Variants in TBCK observed in about 807,000 individuals in gnomAD.
TBCK encodes the protein TBC domain-containing protein kinase-like protein.
Under a neutral mutation model 113.4 loss-of-function variants are expected in TBCK, and 99 were observed. The observed-to-expected ratio is 0.87, with a 90% confidence interval of 0.74 to 1.03. The LOEUF (loss-of-function observed/expected upper bound fraction) is 1.03, where lower values mean the gene tolerates loss of function less well. Ranked by LOEUF, TBCK falls within the 50% of genes least tolerant of loss-of-function variation. The probability of loss-of-function intolerance (pLI) is 0.00; values close to 1 mark genes in which losing one functional copy is unlikely to be tolerated. For missense variants in TBCK, 1,045 were observed against 1,061.3 expected, an observed-to-expected ratio of 0.98 and a Z score of 0.21; for synonymous variants, 369 against 370.8, an observed-to-expected ratio of 1.00 and a Z score of 0.05.
At chr4:106,221,756 T>C (rs143593469) in intron 19 of TBCK, among the ~76,000 whole-genome samples, 2 of 152,106 alleles carry the variant, frequency 1.3e-5, no homozygotes, top group African/African-American at 4.8e-5. Flanking sequence ...AAAATATTGT[T>C]AAAGCTCTGT....
chr4:106,052,619 T>A (rs1372812947), intron 25 of TBCK, among the ~76,000 whole-genome samples: 1 of 151,766 alleles, frequency 6.6e-6, no homozygotes, highest in Non-Finnish European at 1.5e-5. Flanking sequence ...TTATAGTTTG[T>A]GTTACATAAG....
At chr4:106,184,148 C>A (rs1366646923) in intron 22 of TBCK, among the ~76,000 whole-genome samples, 2 of 152,018 alleles carry the variant, frequency 1.3e-5, no homozygotes, top group Non-Finnish European at 2.9e-5. Context: ...CACTAAAAAT[C>A]TCTAACAGTG....
intron 3 of TBCK, among the ~76,000 whole-genome samples, chr4:106,271,681 G>A (rs1224804949): frequency 1.3e-5 from 2 of 151,648 alleles, no homozygotes; most frequent in Non-Finnish European, 2.9e-5. Context: ...GAACCCAGGA[G>A]GCAGAGGTTG....
chr4:106,290,511 T>C (rs1481674837), intron 3 of TBCK, among the ~76,000 whole-genome samples: 1 of 152,176 alleles, frequency 6.6e-6, no homozygotes, highest in Non-Finnish European at 1.5e-5. Flanking sequence ...AATCAAAGAT[T>C]AGTGACATTA....
intron 3 of TBCK, among the ~76,000 whole-genome samples, chr4:106,281,565 T>C (rs540865630): frequency 6.6e-6 from 1 of 152,270 alleles, no homozygotes; most frequent in African/African-American, 2.4e-5. Flanking sequence ...GGGCCTGTCA[T>C]ACATGGCTTT....
intron 16 of TBCK, 121 bp from the exon 17 acceptor site, chr4:106,233,185 ACTT>A: frequency 1.8e-5 from 18 of 976,704 alleles, no homozygotes; most frequent in Middle Eastern, 5.5e-4. Flanking sequence ...AAACAGACCA[ACTT>A]CTTAAGTGCC....
chr4:106,212,826 G>C lies in TBCK; in HGVS notation c.1784C>G (p.Thr595Ser). The C allele has an allele frequency of 6.2e-7, 1 of 1,607,894 alleles. No individual in the cohort carries two copies. Among genetic ancestry groups the C allele is most frequent in the Non-Finnish European group, 8.5e-7 (1 of 1,175,552 alleles). Residue 595 changes from threonine to serine, a missense_variant, in exon 20 of 26, where the codon ACT (threonine) becomes AGT (serine). By Grantham distance (58) the Thr-to-Ser change is moderately conservative. Transcript: ENST00000394708. ...DNSHVIQEYL[T>S]VFSQMIAFHD... is the part of the protein sequence containing the mutation. ...AAATGCAATCATCTGAGAGAAGACA[G>C]TCAGATACTCTGAAATTACAAAGTT...
chr4:106,255,675 CCTT>C (rs34255320), intron 5 of TBCK, among the ~76,000 whole-genome samples: 20,551 of 152,124 alleles, frequency 0.14, 1,630 homozygotes, highest in South Asian at 0.24. Context: ...GCTCCTCTCT[CCTT>C]CTGTCTTCTT....
intron 23 of TBCK, among the ~76,000 whole-genome samples, chr4:106,120,565 T>G (rs1365274216): frequency 2.6e-5 from 4 of 152,166 alleles, no homozygotes; most frequent in Admixed American, 2.0e-4. Flanking sequence ...TAAATGTCCC[T>G]GTCTGACAGC....
intron 3 of TBCK, among the ~76,000 whole-genome samples, chr4:106,267,776 A>AT (rs1180717513): frequency 2.6e-5 from 4 of 151,732 alleles, no homozygotes; most frequent in East Asian, 3.9e-4. Context: ...TCCCAAGTAT[A>AT]TTTTTTTATC....
intron 25 of TBCK, among the ~76,000 whole-genome samples, chr4:106,074,251 C>T (rs1016337139): frequency 2.0e-5 from 3 of 152,116 alleles, no homozygotes; most frequent in South Asian, 4.1e-4. Context: ...TGGAACAGAC[C>T]TCCAACATAG....
intron 25 of TBCK, among the ~76,000 whole-genome samples, chr4:106,074,994 A>AC (rs1431940888): frequency 1.4e-4 from 22 of 152,320 alleles, no homozygotes; most frequent in African/African-American, 4.8e-4. Context: ...GAGACATGGA[A>AC]GTTAGCTTCC....
rs2150100693 is a variant in TBCK, at chr4:106,262,107, C to T, written c.372G>A (p.Leu124=). 1 of 1,525,338 alleles carries T rather than the reference C, an allele frequency of 6.6e-7. No individual in the cohort carries two copies. Among genetic ancestry groups the T allele is most frequent in the East Asian group, 2.5e-5 (1 of 40,410 alleles). 94.5% of individuals were successfully genotyped at this position (1,525,338 alleles called of 1,614,324 possible). The change falls in exon 4 of 26, where the codon TTG becomes TTA. Residue 124 remains leucine (L), a synonymous_variant. Coordinates refer to ENST00000394708, the MANE Select transcript of TBCK (RefSeq NM_001163435.3). The part of the protein sequence containing the change: ...HRALSPHNIL[L]DRKGHIKLAK... ...ATGATTTAACAATTACCTTTCGGTC[C>T]AACAGGATATTATGAGGAGACAATG...
rs747577792 is a variant in TBCK at position 106,138,126 on chromosome 4, G to A, written c.2236-21748C>T. 6.4e-5 allele frequency among the ~76,000 whole-genome samples: 9 copies of A among 140,816 alleles called. 1 individual carries two copies. The highest frequency in any genetic ancestry group is 1.3e-4 in the Non-Finnish European group (8 of 61,980). The allele number at this position is 140,816 out of a possible 152,430, so 92.4% of individuals were successfully genotyped here. A position where few individuals can be genotyped will look rare whatever the true frequency, so the allele number is the denominator to read the frequency against. On this transcript the variant is annotated intron_variant, in intron 23 of 25. Transcript: ENST00000394708. ...TTTTTAATATGGAAAACCAAATGTCGCAGAACCATTACTGAATATCAATTA... is the reference window on the plus strand; with the variant it reads ...TTTTTAATATGGAAAACCAAATGTCACAGAACCATTACTGAATATCAATTA...
chr4:106,232,820 G>A, intron 17 of TBCK, 118 bp downstream of exon 17: 2 of 954,838 alleles, frequency 2.1e-6, no homozygotes, highest in East Asian at 2.7e-5. Flanking sequence ...ATGAATCAGA[G>A]CGTCAATATT....
chr4:106,091,102 A>G (rs1285875346), intron 25 of TBCK, among the ~76,000 whole-genome samples: 1 of 152,164 alleles, frequency 6.6e-6, no homozygotes, highest in Non-Finnish European at 1.5e-5. Context: ...TGGGCAATCT[A>G]TTAAAAAAAG....
At chr4:106,219,985 A>T (rs1285149083) in intron 19 of TBCK, among the ~76,000 whole-genome samples, 1 of 152,220 alleles carries the variant, frequency 6.6e-6, no homozygotes, top group Non-Finnish European at 1.5e-5. Context: ...TTAAATTTTT[A>T]AAGTTTTTAG....
At chr4:106,187,179 C>T (rs1173989774) in intron 22 of TBCK, among the ~76,000 whole-genome samples, 1 of 152,008 alleles carries the variant, frequency 6.6e-6, no homozygotes, top group Non-Finnish European at 1.5e-5. Context: ...TGTGATGTCT[C>T]CAGCTTTGTT....
intron 3 of TBCK, among the ~76,000 whole-genome samples, chr4:106,264,720 CTATT>C (rs765031807): frequency 1.3e-5 from 2 of 151,994 alleles, no homozygotes; most frequent in East Asian, 1.9e-4. Context: ...TTTTATAACT[CTATT>C]TATGAAGATT....
Sources: allele counts gnomAD v4.1 joint callset (sites outside exome capture counted in the v4.1 genomes callset), GRCh38; gene constraint gnomAD v4.1.1; transcripts MANE v1.5; gene names NCBI Gene and HGNC (gene_info 2026-07-23, HGNC 2026-07-21).